VAV3: variants seen among roughly 807,000 people sequenced by gnomAD.
The protein encoded by VAV3 is guanine nucleotide exchange factor VAV3.
Under a neutral mutation model 131.2 loss-of-function variants are expected in VAV3, and 94 were observed. That is an observed-to-expected ratio of 0.72 (90% confidence interval 0.61 to 0.85). The LOEUF (loss-of-function observed/expected upper bound fraction) is 0.85, where lower values mean the gene tolerates loss of function less well. Among genes scored for constraint, VAV3 ranks in the 40% least tolerant of loss-of-function variants. The pLI, the probability that VAV3 is intolerant of heterozygous loss-of-function variation, is 0.00. For synonymous variants in VAV3, 349 were observed against 342.0 expected, an observed-to-expected ratio of 1.02 and a Z score of -0.22; for missense variants, 939 against 1,002.7, an observed-to-expected ratio of 0.94 and a Z score of 0.86.
intron 20 of VAV3, among the ~76,000 whole-genome samples, chr1:107,630,997 A>T (rs1654426183): frequency 6.6e-6 from 1 of 152,170 alleles, no homozygotes; most frequent in Non-Finnish European, 1.5e-5. Flanking sequence ...CAGCCTTGAA[A>T]CATTGTAAGA....
At chr1:107,693,210 A>G (rs1659539632) in intron 17 of VAV3, among the ~76,000 whole-genome samples, 1 of 152,182 alleles carries the variant, frequency 6.6e-6, no homozygotes, top group Non-Finnish European at 1.5e-5. Flanking sequence ...AGGTTGCCAT[A>G]GTGAATGTGA....
chr1:107,820,235 A>G (rs1331228252), intron 2 of VAV3, among the ~76,000 whole-genome samples: 1 of 152,196 alleles, frequency 6.6e-6, no homozygotes, highest in Admixed American at 6.5e-5. Context: ...TGAATGAATA[A>G]AGAAAAATGT....
At chr1:107,906,770 A>G (rs1301305881) in intron 1 of VAV3, among the ~76,000 whole-genome samples, 1 of 152,168 alleles carries the variant, frequency 6.6e-6, no homozygotes, top group East Asian at 1.9e-4. Flanking sequence ...TATGATCACA[A>G]TAGAATGGAA....
chr1:107,620,308 C>G (rs1205937984), intron 20 of VAV3, among the ~76,000 whole-genome samples: 2 of 152,178 alleles, frequency 1.3e-5, no homozygotes, highest in East Asian at 3.9e-4. Flanking sequence ...CACATGATGA[C>G]ATGTCAGTCA....
intron 13 of VAV3, among the ~76,000 whole-genome samples, chr1:107,750,737 A>G (rs918814805): frequency 5.3e-5 from 8 of 152,218 alleles, no homozygotes; most frequent in Admixed American, 2.0e-4. Context: ...TTACTACGTG[A>G]TTCTCACTTA....
At chr1:107,803,003 G>A (rs768130684) in intron 2 of VAV3, among the ~76,000 whole-genome samples, 5 of 151,274 alleles carry the variant, frequency 3.3e-5, no homozygotes, top group Non-Finnish European at 5.9e-5. Context: ...TTTTTATTAC[G>A]GCTTCAATCT....
chr1:107,959,956 C>T (rs1251914336), intron 1 of VAV3, among the ~76,000 whole-genome samples: 1 of 152,194 alleles, frequency 6.6e-6, no homozygotes, highest in Non-Finnish European at 1.5e-5. Context: ...ACATACTTGA[C>T]TCCTCTCTTC....
chr1:107,964,089 C>G (rs939770793), intron 1 of VAV3, among the ~76,000 whole-genome samples: 1 of 152,190 alleles, frequency 6.6e-6, no homozygotes, highest in East Asian at 1.9e-4. Context: ...GGGAGCTTGC[C>G]GGCTGGCCAC....
chr1:107,821,556 T>A (rs1317863849), intron 2 of VAV3, among the ~76,000 whole-genome samples: 1 of 152,124 alleles, frequency 6.6e-6, no homozygotes, highest in Non-Finnish European at 1.5e-5. Flanking sequence ...AGTAAATGAC[T>A]CAGAGGTGGG....
chr1:107,586,762 G>A (rs1218302135), intron 25 of VAV3, among the ~76,000 whole-genome samples: 1 of 151,688 alleles, frequency 6.6e-6, no homozygotes, highest in Non-Finnish European at 1.5e-5. Context: ...GAGAGGGAGA[G>A]TATATAGTAT....
chr1:107,720,061 G>T (rs1368275865), intron 15 of VAV3, among the ~76,000 whole-genome samples: 5 of 152,090 alleles, frequency 3.3e-5, no homozygotes, highest in Admixed American at 1.3e-4. Context: ...CCCTGTCGTG[G>T]GGTCGGGGGA....
intron 17 of VAV3, among the ~76,000 whole-genome samples, chr1:107,700,085 CA>C (rs1480373735): frequency 1.3e-5 from 2 of 152,064 alleles, no homozygotes; most frequent in Non-Finnish European, 2.9e-5. Flanking sequence ...GGCAGCATGC[CA>C]AAGCTGAGTT....
chr1:107,618,530 T>A lies in VAV3; in HGVS notation c.1915-898A>T, dbSNP rs540609446. On this transcript the variant is annotated intron_variant, in intron 20 of 26. Coordinates refer to ENST00000370056, the MANE Select transcript of VAV3 (RefSeq NM_006113.5). ...TCTATTAGGTTGGTGCAAAAGTAAT[T>A]GTGGTTTTTATCATTAAACTGCAAA... Among the ~76,000 whole-genome samples the A allele has an allele frequency of 2.6e-5, 4 of 152,308 alleles. No homozygotes were observed. In the South Asian group the frequency reaches 8.3e-4, roughly 32 times the overall value.
At chr1:107,636,731 A>T (rs1654957805) in intron 20 of VAV3, among the ~76,000 whole-genome samples, 1 of 152,204 alleles carries the variant, frequency 6.6e-6, no homozygotes, top group African/African-American at 2.4e-5. Flanking sequence ...CCATCATAAA[A>T]TTGAAAAATC....
intron 17 of VAV3, among the ~76,000 whole-genome samples, chr1:107,698,909 G>C (rs1403048923): frequency 6.6e-6 from 1 of 152,148 alleles, no homozygotes; most frequent in Non-Finnish European, 1.5e-5. Flanking sequence ...CATGAGAACA[G>C]CATGGGGAAA....
At chr1:107,719,450 CAT>C in intron 15 of VAV3, among the ~76,000 whole-genome samples, 1 of 152,244 alleles carries the variant, frequency 6.6e-6, no homozygotes, top group South Asian at 2.1e-4. Flanking sequence ...AGCCAACAGA[CAT>C]ATGAAAAAAT....
intron 25 of VAV3, among the ~76,000 whole-genome samples, chr1:107,575,516 G>A (rs1043983758): frequency 2.0e-5 from 3 of 152,166 alleles, no homozygotes; most frequent in Non-Finnish European, 2.9e-5. Flanking sequence ...TGTAAAGGGA[G>A]TAAAAATAGG....
chr1:107,705,605 A>G (rs1435405345), intron 15 of VAV3, among the ~76,000 whole-genome samples: 2 of 152,182 alleles, frequency 1.3e-5, no homozygotes, highest in Non-Finnish European at 2.9e-5. Flanking sequence ...CTAAGTAATA[A>G]TGAAACAAAA....
chr1:107,801,834 TTTTTC>T (rs1666840736), intron 2 of VAV3, among the ~76,000 whole-genome samples: 1 of 152,158 alleles, frequency 6.6e-6, no homozygotes. Flanking sequence ...TCACCTGAAG[TTTTTC>T]TTTTAACAGA....
Sources: allele counts gnomAD v4.1 joint callset (sites outside exome capture counted in the v4.1 genomes callset), GRCh38; gene constraint gnomAD v4.1.1; transcripts MANE v1.5; gene names NCBI Gene and HGNC (gene_info 2026-07-23, HGNC 2026-07-21).